MBD4: variants seen among roughly 807,000 people sequenced by gnomAD.
The protein encoded by MBD4 is methyl-CpG-binding domain protein 4.
A neutral mutation model predicts 60.2 loss-of-function variants in MBD4; 53 were observed. The observed-to-expected ratio is 0.88, with a 90% CI of 0.71 to 1.11. The LOEUF (loss-of-function observed/expected upper bound fraction) is 1.11, where lower values mean the gene tolerates loss of function less well. Among genes scored for constraint, MBD4 ranks in the 50% least tolerant of loss-of-function variants. The probability of loss-of-function intolerance (pLI) is 0.00; values close to 1 mark genes in which losing one functional copy is unlikely to be tolerated. For missense variants in MBD4, 619 were observed against 674.0 expected (o/e 0.92, Z 0.90); for synonymous variants, 231 against 229.8 (o/e 1.01, Z -0.05).
rs1298815904 is a variant in MBD4 at position 129,432,533 on chromosome 3, G to A, written c.1617C>T (p.Tyr539=). The A allele has an allele frequency of 1.2e-6, 2 of 1,614,058 alleles. No individual in the cohort carries two copies. The highest frequency in any genetic ancestry group is 1.7e-5 in the Admixed American group (1 of 60,006). ...TCCACTCATTGACACAAAAAATTCG[G>A]TAAGAGTCGTTGCCATATTTACCAA... is the stretch of plus-strand genomic sequence containing the variant. ...HGIGKYGNDS[Y]RIFCVNEWKQ... is the part of the protein sequence containing the mutation. The change falls in exon 7 of 8, where the codon TAC becomes TAT. Residue 539 remains tyrosine, a synonymous_variant. Coordinates refer to ENST00000429544, the MANE Select transcript of MBD4 (RefSeq NM_001276270.2).
intron 3 of MBD4, among the ~76,000 whole-genome samples, chr3:129,434,871 T>A (rs1236211231): frequency 6.6e-6 from 1 of 152,236 alleles, no homozygotes; most frequent in African/African-American, 2.4e-5. Context: ...GACAACTACC[T>A]ATTGAGAACC....
chr3:129,438,782 C>T (rs745364806), intron 1 of MBD4, among the ~76,000 whole-genome samples: 22 of 150,164 alleles, frequency 1.5e-4, no homozygotes, highest in Admixed American at 6.6e-5. Flanking sequence ...CAAAAAAAAA[C>T]AAGCAACCGG....
chr3:129,433,319 T>A, intron 5 of MBD4, 72 bp from the exon 6 acceptor site: 3 of 1,522,358 alleles, frequency 2.0e-6, no homozygotes, highest in Non-Finnish European at 2.7e-6. Context: ...TAGTTTCTCA[T>A]AGAAATCTCA....
chr3:129,433,286 G>A, intron 5 of MBD4, 39 bp from the exon 6 acceptor site: 2 of 1,609,970 alleles, frequency 1.2e-6, no homozygotes, highest in Non-Finnish European at 1.7e-6. Flanking sequence ...CAAGACTCCA[G>A]GTGGGCTGAT....
At position 129,436,628 on chromosome 3, in the gene MBD4, G is replaced by T; in HGVS notation, c.1016C>A (p.Ala339Asp). 1 of 1,613,962 alleles carries T rather than the reference G, an allele frequency of 6.2e-7. No individual in the cohort carries two copies. Among genetic ancestry groups the T allele is most frequent in the Non-Finnish European group, 8.5e-7 (1 of 1,179,950 alleles). Residue 339 changes from alanine (A) to aspartate (D), a missense_variant, in exon 3 of 8, where the codon GCC becomes GAC. By Grantham distance (126) the Ala-to-Asp change is moderately radical. Coordinates refer to ENST00000429544, the MANE Select transcript of MBD4 (RefSeq NM_001276270.2). ...CTTCTCGTTGTGTTCTGAGTCTTTG[G>T]CTGAACAAAATTTGTTTATGATGCC... The part of the protein sequence containing the change: ...TSGIINKFCS[A>D]KDSEHNEKYE...
rs555156371 is a variant in MBD4, at chr3:129,436,965, T to G, written c.679A>C (p.Lys227Gln). 17 of 1,614,220 alleles carry G rather than the reference T, an allele frequency of 1.1e-5. No individual in the cohort carries two copies. In the South Asian group the frequency reaches 1.9e-4, roughly 18 times the overall value. The change falls in exon 3 of 8, where the codon AAG becomes CAG. Residue 227 changes from lysine (K) to glutamine (Q), a missense_variant. Coordinates refer to ENST00000429544, the MANE Select transcript of MBD4 (RefSeq NM_001276270.2). Reference protein sequence around the residue: ...DEGVDDVNFRKVRKPKGKVTI... With the variant: ...DEGVDDVNFRQVRKPKGKVTI... ...ACCTTTCCTTTGGGCTTTCTAACCT[T>G]TCTGAAGTTAACATCATCAACACCC...
At chr3:129,438,264 A>C (rs1192016953) in intron 1 of MBD4, among the ~76,000 whole-genome samples, 3 of 152,228 alleles carry the variant, frequency 2.0e-5, no homozygotes, top group Non-Finnish European at 4.4e-5. Flanking sequence ...TAAATTTGAG[A>C]ATATGAACCA....
intron 7 of MBD4, chr3:129,432,083 G>T: frequency 1.1e-6 from 1 of 888,918 alleles, no homozygotes; most frequent in Non-Finnish European, 1.4e-6. Flanking sequence ...ATTCAACAGG[G>T]CTGAAGCAGG....
chr3:129,433,756 C>T, intron 5 of MBD4, 94 bp downstream of exon 5: 1 of 1,479,302 alleles, frequency 6.8e-7, no homozygotes, highest in Non-Finnish European at 9.4e-7. Flanking sequence ...CCAGGTGACA[C>T]ACTCAAAATG....
Position 129,437,932 on chromosome 3 carries a change from C to T in MBD4, c.123G>A (p.Met41Ile), listed in dbSNP as rs1198131916. Residue 41 changes from methionine (M) to isoleucine (I), a missense_variant, in exon 2 of 8, where the codon ATG (methionine) becomes ATA (isoleucine). By Grantham distance (10) the Met-to-Ile change is conservative. Coordinates refer to ENST00000429544, the MANE Select transcript of MBD4 (RefSeq NM_001276270.2). Reference sequence around the variant, plus strand: ...CATCTTCTCCCACTCTTTCCAATTCCATAGCAACATCTTCTTTGCTGGAAA... The same window carrying T: ...CATCTTCTCCCACTCTTTCCAATTCTATAGCAACATCTTCTTTGCTGGAAA... The part of the protein sequence containing the change: ...PNDLRKEDVA[M>I]ELERVGEDEE... 2 of 1,609,270 alleles carry T rather than the reference C, an allele frequency of 1.2e-6. No individual in the cohort carries two copies. The highest frequency in any genetic ancestry group is 1.7e-6 in the Non-Finnish European group (2 of 1,175,760).
chr3:129,433,080 G>C lies in MBD4; in HGVS notation c.1543+18C>G. The C allele has an allele frequency of 6.2e-7, 1 of 1,613,468 alleles. No homozygotes were observed. Among genetic ancestry groups the C allele is most frequent in the Non-Finnish European group, 8.5e-7 (1 of 1,179,440 alleles). ...GCACAATGTATTATGTTTTTCCTTT[G>C]GGTGTATAGGAAAATACCTGAGAAC... On this transcript the variant is annotated intron_variant, in intron 6 of 7. Transcript: ENST00000429544.
intron 2 of MBD4, 41 bp from the exon 3 acceptor site, chr3:129,437,349 G>A (rs2072486375): frequency 1.3e-6 from 2 of 1,516,392 alleles, no homozygotes; most frequent in East Asian, 4.5e-5. Flanking sequence ...CTAGTAAATA[G>A]AAGGGACTTT....
chr3:129,437,085 C>T lies in MBD4; in HGVS notation c.559G>A (p.Asp187Asn), dbSNP rs2072479635. ...NLRTRSKCKKDVFMPPSSSSE... is the reference protein window; with the variant it reads ...NLRTRSKCKKNVFMPPSSSSE... ...CTACTACTTGGCGGCATAAACACAT[C>T]CTTTTTGCACTTGCTTCGGGTCCTG... is the stretch of plus-strand genomic sequence containing the variant. The change falls in exon 3 of 8, where the codon GAT (aspartate) becomes AAT (asparagine). Residue 187 changes from aspartate (D) to asparagine (N), a missense_variant. Transcript: ENST00000429544. 1 of 1,614,032 alleles carries T rather than the reference C, an allele frequency of 6.2e-7. No homozygotes were observed. Among genetic ancestry groups the T allele is most frequent in the African/African-American group, 1.3e-5 (1 of 75,062 alleles).
chr3:129,433,715 G>A lies in MBD4; in HGVS notation c.1393+135C>T, dbSNP rs990856434. The A allele has an allele frequency of 3.1e-5, 30 of 953,620 alleles. No individual in the cohort carries two copies. The African/African-American group carries it at 3.4e-4, about 11-fold the overall frequency. The allele number at this position is 953,620 out of a possible 1,614,324, so 59.1% of individuals were successfully genotyped here. A position where few individuals can be genotyped will look rare whatever the true frequency, so the allele number is the denominator to read the frequency against. On this transcript the variant is annotated intron_variant, in intron 5 of 7. Transcript: ENST00000429544. ...CCAGTCTCATTTCCTCATAGGTGAAGAGTTTAAGGGTGAAGGGGGAATGCC... is the reference window on the plus strand; with the variant it reads ...CCAGTCTCATTTCCTCATAGGTGAAAAGTTTAAGGGTGAAGGGGGAATGCC...
chr3:129,437,919 C>T lies in MBD4; in HGVS notation c.136G>A (p.Val46Met), dbSNP rs200883484. 6.2e-7 allele frequency: 1 copy of T among 1,613,416 alleles called. No individual in the cohort carries two copies. Among genetic ancestry groups the T allele is most frequent in the African/African-American group, 1.3e-5 (1 of 75,054 alleles). The change falls in exon 2 of 8, where the codon GTG becomes ATG. Residue 46 changes from valine (V) to methionine (M), a missense_variant. Val to Met is a conservative substitution (Grantham distance 21). Transcript: ENST00000429544. ...KEDVAMELER[V>M]GEDEEQMMIK... ...ATCATTTGTTCCTCATCTTCTCCCA[C>T]TCTTTCCAATTCCATAGCAACATCT...
At chr3:129,438,003 C>T in intron 1 of MBD4, 53 bp from the exon 2 acceptor site, 3 of 1,064,148 alleles carry the variant, frequency 2.8e-6, no homozygotes, top group Non-Finnish European at 4.4e-6. Flanking sequence ...TCTTCCACTG[C>T]CTACTCAGTT....
chr3:129,439,857 C>T lies in MBD4; in HGVS notation c.-24G>A, dbSNP rs754215295. Reference sequence around the variant, plus strand: ...ATCGAGCAGGGTCCGGCTGCAGCAACGAGCCCAGCGCCGCAACGCCCAGGG... The same window carrying T: ...ATCGAGCAGGGTCCGGCTGCAGCAATGAGCCCAGCGCCGCAACGCCCAGGG... On this transcript the variant is annotated 5_prime_UTR_variant, in exon 1 of 8. Coordinates refer to ENST00000429544, the MANE Select transcript of MBD4 (RefSeq NM_001276270.2). 3 of 1,524,912 alleles carry T rather than the reference C, an allele frequency of 2.0e-6. No individual in the cohort carries two copies. The highest frequency in any genetic ancestry group is 2.7e-6 in the Non-Finnish European group (3 of 1,101,066). The allele number at this position is 1,524,912 out of a possible 1,614,324, so 94.5% of individuals were successfully genotyped here. A position where few individuals can be genotyped will look rare whatever the true frequency, so the allele number is the denominator to read the frequency against.
intron 1 of MBD4, 61 bp from the exon 2 acceptor site, chr3:129,438,011 G>C: frequency 1.0e-6 from 1 of 992,066 alleles, no homozygotes; most frequent in Non-Finnish European, 1.6e-6. Flanking sequence ...TGCCTACTCA[G>C]TTTTAATCCA....
rs375415319 is a variant in MBD4 at position 129,432,870 on chromosome 3, T to C, written c.1543+228A>G. 6.6e-5 allele frequency among the ~76,000 whole-genome samples: 10 copies of C among 152,312 alleles called. No homozygotes were observed. The East Asian group carries it at 1.9e-3, about 29-fold the overall frequency. ...AACTGGGCTTTCTGCTTCACTGACT[T>C]CTTCCCCTAATTCTGCCCACATGCC... is the stretch of plus-strand genomic sequence containing the variant. On this transcript the variant is annotated intron_variant, in intron 6 of 7. Transcript: ENST00000429544.
Sources: allele counts gnomAD v4.1 joint callset (sites outside exome capture counted in the v4.1 genomes callset), GRCh38; gene constraint gnomAD v4.1.1; transcripts MANE v1.5; gene names NCBI Gene and HGNC (gene_info 2026-07-23, HGNC 2026-07-21).